Variants in CCDC47 observed in about 807,000 individuals in gnomAD.
CCDC47 encodes PAT complex subunit CCDC47.
A neutral mutation model predicts 60.5 loss-of-function variants in CCDC47; 41 were observed. That is an observed-to-expected ratio of 0.68 (90% CI 0.53 to 0.88). The LOEUF is 0.88. Among genes scored for constraint, CCDC47 ranks in the 40% least tolerant of loss-of-function variants. CCDC47 has a pLI of 0.00. For synonymous variants in CCDC47, 195 were observed against 190.7 expected, an observed-to-expected ratio of 1.02 and a Z score of -0.18; for missense variants, 513 against 580.9, an observed-to-expected ratio of 0.88 and a Z score of 1.20.
chr17:63,753,460 C>T (rs2039182151), intron 9 of CCDC47, among the ~76,000 whole-genome samples: 1 of 152,168 alleles, frequency 6.6e-6, no homozygotes, highest in Non-Finnish European at 1.5e-5. Context: ...TAGTATACAA[C>T]TAAAATCCAG....
chr17:63,749,144 C>T (rs35065130), intron 12 of CCDC47, among the ~76,000 whole-genome samples: 12,266 of 151,998 alleles, frequency 0.081, 638 homozygotes, highest in Non-Finnish European at 0.11. Context: ...TAGTGGCTCA[C>T]GCCTGTAATC....
chr17:63,772,544 C>T (rs947037362), intron 1 of CCDC47, among the ~76,000 whole-genome samples: 6 of 152,102 alleles, frequency 3.9e-5, no homozygotes, highest in South Asian at 2.1e-4. Flanking sequence ...TGGGCCACCG[C>T]GCCCAGCCTC....
Position 63,764,055 on chromosome 17 carries a change from T to C in CCDC47, c.508A>G (p.Thr170Ala). ...TTGCTCTCCAAAAGCTCCCTATGAG[T>C]GTTAAACCAGGCCTGTGCAAGGCGA... ...NSRLAQAWFN[T>A]HRELLESNFT... Residue 170 changes from threonine (T) to alanine (A), a missense_variant, in exon 4 of 13, where the codon ACT becomes GCT. Physicochemically the swap from Thr to Ala is moderately conservative, Grantham distance 58. Transcript: ENST00000225726. 1 of 1,610,416 alleles carries C rather than the reference T, an allele frequency of 6.2e-7. No homozygotes were observed. Among genetic ancestry groups the C allele is most frequent in the South Asian group, 1.1e-5 (1 of 90,278 alleles).
At chr17:63,754,858 G>A (rs1428528742) in intron 8 of CCDC47, among the ~76,000 whole-genome samples, 2 of 150,792 alleles carry the variant, frequency 1.3e-5, no homozygotes, top group Non-Finnish European at 2.9e-5. Context: ...ACTCCGGTCT[G>A]GGCGACAGAG....
intron 1 of CCDC47, among the ~76,000 whole-genome samples, chr17:63,767,334 T>C (rs566934455): frequency 6.3e-4 from 96 of 152,218 alleles, no homozygotes; most frequent in Non-Finnish European, 1.2e-3. Flanking sequence ...TTGAAGAACA[T>C]TAAGTTTTCT....
chr17:63,761,600 G>A (rs1327182191), intron 4 of CCDC47: 1 of 260,394 alleles, frequency 3.8e-6, no homozygotes, highest in Non-Finnish European at 7.2e-6. Context: ...AGGAGGCTGA[G>A]GCAGGAGAAT....
intron 4 of CCDC47, chr17:63,761,912 C>CAG (rs1212484001): frequency 1.4e-6 from 1 of 701,626 alleles, no homozygotes; most frequent in Admixed American, 6.3e-5. Flanking sequence ...TAACGATGAT[C>CAG]AGCTTAGAGT....
chr17:63,758,174 G>C (rs1466057763), intron 6 of CCDC47, among the ~76,000 whole-genome samples: 1 of 152,188 alleles, frequency 6.6e-6, no homozygotes, highest in African/African-American at 2.4e-5. Context: ...AAATATAAGT[G>C]TCTTTTCAAG....
intron 12 of CCDC47, among the ~76,000 whole-genome samples, chr17:63,748,893 A>G (rs2039140348): frequency 6.6e-6 from 1 of 152,006 alleles, no homozygotes. Flanking sequence ...GGGCACCTGT[A>G]ATCCCAGCTA....
intron 1 of CCDC47, chr17:63,766,747 T>G (rs192902333): frequency 2.2e-5 from 18 of 814,670 alleles, no homozygotes; most frequent in South Asian, 5.6e-5. Flanking sequence ...TTTCTTTAGG[T>G]TGGGTTTTCT....
chr17:63,750,692 C>G (rs2039156225), intron 12 of CCDC47, among the ~76,000 whole-genome samples: 1 of 151,904 alleles, frequency 6.6e-6, no homozygotes, highest in African/African-American at 2.4e-5. Flanking sequence ...TCAAGCAATT[C>G]TCCTGCCTCA....
At position 63,763,212 on chromosome 17, in the gene CCDC47, C is replaced by T. The variant is rs373339279; in HGVS notation, c.547+804G>A. 7.1e-4 allele frequency among the ~76,000 whole-genome samples: 108 copies of T among 152,192 alleles called. 1 individual carries two copies. The South Asian group carries it at 0.021, about 29-fold the overall frequency. Reference sequence around the variant, plus strand: ...CACTGGAATTACACGTGTGAGCCACCGCACCGGGCCAAAAAACAGGATCCT... The same window carrying T: ...CACTGGAATTACACGTGTGAGCCACTGCACCGGGCCAAAAAACAGGATCCT... On this transcript the variant is annotated intron_variant, in intron 4 of 12. Transcript: ENST00000225726.
At chr17:63,748,113 C>G (rs887026506) in intron 12 of CCDC47, among the ~76,000 whole-genome samples, 2 of 151,914 alleles carry the variant, frequency 1.3e-5, no homozygotes, top group Non-Finnish European at 2.9e-5. Flanking sequence ...CTATGGCCTC[C>G]CAACGTGCTG....
intron 6 of CCDC47, among the ~76,000 whole-genome samples, chr17:63,757,408 A>G (rs182790381): frequency 6.6e-6 from 1 of 151,524 alleles, no homozygotes; most frequent in African/African-American, 2.4e-5. Context: ...GAAAACAGGA[A>G]CCTACACCCA....
At chr17:63,755,558 G>T (rs1451346245) in intron 8 of CCDC47, among the ~76,000 whole-genome samples, 1 of 151,214 alleles carries the variant, frequency 6.6e-6, no homozygotes, top group Non-Finnish European at 1.5e-5. Flanking sequence ...AATAATGGTC[G>T]AAACAAGAAT....
chr17:63,758,516 A>G (rs1377091504), intron 6 of CCDC47, among the ~76,000 whole-genome samples: 3 of 151,986 alleles, frequency 2.0e-5, no homozygotes, highest in Non-Finnish European at 4.4e-5. Flanking sequence ...TCTAGAAAAA[A>G]AAAAAATTTA....
At chr17:63,770,193 C>A (rs548656038) in intron 1 of CCDC47, among the ~76,000 whole-genome samples, 1 of 152,078 alleles carries the variant, frequency 6.6e-6, no homozygotes, top group Non-Finnish European at 1.5e-5. Flanking sequence ...GAACTCCTGA[C>A]CTCAGGTGAT....
intron 1 of CCDC47, among the ~76,000 whole-genome samples, chr17:63,769,251 G>GT (rs1568252550): frequency 7.3e-6 from 1 of 137,120 alleles, no homozygotes; most frequent in Non-Finnish European, 1.6e-5. Flanking sequence ...CTGTCTAAAA[G>GT]AAAAAAAAAA....
At position 63,752,390 on chromosome 17, in the gene CCDC47, G is replaced by A. The variant is rs370815100; in HGVS notation, c.1133C>T (p.Ala378Val). ...SGNTYPKDME[A>V]LLPLMNMVIY... ...CACCATGTTCATCAGGGGTAGCAGT[G>A]CCTCCATATCCTTTGGGTAAGTGTT... Residue 378 changes from alanine (A) to valine (V), a missense_variant, in exon 11 of 13, where the codon GCA becomes GTA. Physicochemically the swap from Ala to Val is moderately conservative, Grantham distance 64 (BLOSUM62 0). Transcript: ENST00000225726. 1 of 1,613,848 alleles carries A rather than the reference G, an allele frequency of 6.2e-7. No homozygotes were observed. The highest frequency in any genetic ancestry group is 8.5e-7 in the Non-Finnish European group (1 of 1,179,862).
Sources: allele counts gnomAD v4.1 joint callset (sites outside exome capture counted in the v4.1 genomes callset), GRCh38; gene constraint gnomAD v4.1.1; transcripts MANE v1.5; gene names NCBI Gene and HGNC (gene_info 2026-07-23, HGNC 2026-07-21).